ALPL: variants seen among roughly 807,000 people sequenced by gnomAD.
ALPL encodes the protein alkaline phosphatase, biomineralization associated.
In ALPL, 42 loss-of-function variants were observed where a neutral mutation model predicts 51.3. That is an observed-to-expected ratio of 0.82 (90% confidence interval 0.64 to 1.06). The LOEUF (loss-of-function observed/expected upper bound fraction) is 1.06, where lower values mean the gene tolerates loss of function less well. ALPL is among the 50% of genes least tolerant of loss of function. ALPL has a pLI of 0.00. For missense variants in ALPL, 589 were observed against 709.4 expected (o/e 0.83, Z 1.93); for synonymous variants, 279 against 296.4 (o/e 0.94, Z 0.60).
At chr1:21,533,935 A>AAGAAGAAG (rs748396808) in intron 1 of ALPL, among the ~76,000 whole-genome samples, 76 of 100,482 alleles carry the variant, frequency 7.6e-4, no homozygotes, top group African/African-American at 2.3e-3. Flanking sequence ...AAAAAAAAAA[A>AAGAAGAAG]AAGAAGAAGA....
chr1:21,547,155 T>A (rs2148121880), intron 1 of ALPL, among the ~76,000 whole-genome samples: 1 of 151,922 alleles, frequency 6.6e-6, no homozygotes, highest in East Asian at 1.9e-4. Context: ...TGTTTGGGAG[T>A]GAGGAATGAA....
chr1:21,534,468 G>A (rs979621527), intron 1 of ALPL, among the ~76,000 whole-genome samples: 5 of 152,164 alleles, frequency 3.3e-5, no homozygotes. Context: ...GAGGATTCTG[G>A]GAGGACACGG....
intron 4 of ALPL, 142 bp downstream of exon 4, chr1:21,561,354 G>C: frequency 1.4e-6 from 1 of 732,676 alleles, no homozygotes; most frequent in Admixed American, 2.0e-5. Flanking sequence ...AGCAGCCACT[G>C]CCCTGACTTC....
At chr1:21,567,997 T>A (rs1233488478) in intron 6 of ALPL, 107 bp from the exon 7 acceptor site, 1 of 1,503,766 alleles carries the variant, frequency 6.6e-7, no homozygotes, top group Non-Finnish European at 9.2e-7. Flanking sequence ...TGGGAAAGTG[T>A]CCACACCATC....
In ALPL at chr1:21,577,660, C is replaced by T. The variant is rs778673244; in HGVS notation, c.*12C>T. The T allele has an allele frequency of 7.0e-5, 111 of 1,593,880 alleles. 1 individual carries two copies. Among genetic ancestry groups the T allele is most frequent in the Non-Finnish European group, 9.3e-5 (109 of 1,177,532 alleles). On this transcript the variant is annotated 3_prime_UTR_variant, in exon 12 of 12. Transcript: ENST00000374840. The stretch of plus-strand genomic sequence containing the variant: ...GCGTCCTGTTCTGAGGGCCCAGGGC[C>T]CGGGCACCCACAAGCCCGTGACAGA...
chr1:21,557,670 A>AGCAGTCC (rs1156808720), intron 2 of ALPL, among the ~76,000 whole-genome samples: 3 of 152,218 alleles, frequency 2.0e-5, no homozygotes, highest in Non-Finnish European at 4.4e-5. Context: ...CCTGGCCTCA[A>AGCAGTCC]GCAGTCCTCC....
At position 21,517,814 on chromosome 1, in the gene ALPL, C is replaced by T. The variant is rs541540879; in HGVS notation, c.-105+8297C>T. On this transcript the variant is annotated intron_variant, in intron 1 of 11. Transcript: ENST00000374840. ...TGGCGAATAGCCAGCATGTCTCCTTCCTCTCTCCTGCCCTGCACCCACATC... is the reference window on the plus strand; with the variant it reads ...TGGCGAATAGCCAGCATGTCTCCTTTCTCTCTCCTGCCCTGCACCCACATC... 4.3e-4 allele frequency among the ~76,000 whole-genome samples: 66 copies of T among 152,260 alleles called. No individual in the cohort carries two copies. The South Asian group carries it at 0.013, about 30-fold the overall frequency.
chr1:21,577,785 T>C lies in ALPL; in HGVS notation c.*137T>C, dbSNP rs1173428114. ...AGAAAGGGGACCCAAGAAACCAAAG[T>C]CTGCCGCCCACCTCGCTCCCCTCTG... On this transcript the variant is annotated 3_prime_UTR_variant, in exon 12 of 12. Coordinates refer to ENST00000374840, the MANE Select transcript of ALPL (RefSeq NM_000478.6). 2.2e-5 allele frequency: 26 copies of C among 1,178,056 alleles called. No homozygotes were observed. The highest frequency in any genetic ancestry group is 2.9e-4 in the Middle Eastern group (1 of 3,502). 73.0% of individuals were successfully genotyped at this position (1,178,056 alleles called of 1,614,324 possible).
chr1:21,566,932 G>C (rs1484401886), intron 6 of ALPL, among the ~76,000 whole-genome samples: 2 of 152,174 alleles, frequency 1.3e-5, no homozygotes, highest in Non-Finnish European at 2.9e-5. Context: ...TGGGCTCACA[G>C]AGTTTAGGTG....
At chr1:21,556,392 G>A (rs1356200849) in intron 2 of ALPL, among the ~76,000 whole-genome samples, 2 of 152,190 alleles carry the variant, frequency 1.3e-5, no homozygotes, top group African/African-American at 4.8e-5. Context: ...TGTAATCCCA[G>A]TGCGTTGGGA....
intron 7 of ALPL, among the ~76,000 whole-genome samples, chr1:21,569,341 C>A (rs187026629): frequency 3.9e-5 from 6 of 152,154 alleles, no homozygotes; most frequent in Non-Finnish European, 8.8e-5. Context: ...GGGGAGAGAG[C>A]GTCTACACCA....
intron 1 of ALPL, among the ~76,000 whole-genome samples, chr1:21,545,304 T>TG (rs879282798): frequency 0.023 from 3,427 of 152,126 alleles, 59 homozygotes; most frequent in African/African-American, 0.049. Flanking sequence ...TTTTTGTTTT[T>TG]TTTTAAGACA....
intron 1 of ALPL, among the ~76,000 whole-genome samples, chr1:21,535,765 C>G (rs189849749): frequency 5.9e-5 from 9 of 152,114 alleles, no homozygotes; most frequent in Admixed American, 3.3e-4. Context: ...CTGAGTGGAA[C>G]AAACTCTCAA....
At chr1:21,536,650 G>T (rs938117963) in intron 1 of ALPL, among the ~76,000 whole-genome samples, 1 of 152,102 alleles carries the variant, frequency 6.6e-6, no homozygotes, top group African/African-American at 2.4e-5. Flanking sequence ...AGCAGACAGA[G>T]TCTTCCAGCT....
At chr1:21,563,381 T>C in intron 5 of ALPL, 97 bp downstream of exon 5, 1 of 1,411,670 alleles carries the variant, frequency 7.1e-7, no homozygotes, top group Non-Finnish European at 9.5e-7. Context: ...AGAAAAGGCT[T>C]CTCTGTGGGG....
chr1:21,573,429 T>A (rs1644677568), intron 8 of ALPL, among the ~76,000 whole-genome samples: 1 of 131,104 alleles, frequency 7.6e-6, no homozygotes. Flanking sequence ...AGAGTGAGAC[T>A]CTGTCTCAAA....
chr1:21,574,209 C>G, intron 9 of ALPL: 4 of 985,460 alleles, frequency 4.1e-6, no homozygotes, highest in Non-Finnish European at 4.8e-6. Flanking sequence ...GCCTTGCAGA[C>G]AGACCTGAAT....
intron 1 of ALPL, among the ~76,000 whole-genome samples, chr1:21,523,891 A>G (rs541203557): frequency 1.9e-4 from 29 of 151,764 alleles, no homozygotes; most frequent in Non-Finnish European, 3.7e-4. Context: ...TCTGGTCCAG[A>G]GATCCAGGCC....
At chr1:21,519,752 G>A (rs866810464) in intron 1 of ALPL, among the ~76,000 whole-genome samples, 2 of 152,206 alleles carry the variant, frequency 1.3e-5, no homozygotes, top group Non-Finnish European at 2.9e-5. Flanking sequence ...AGCAGAGATC[G>A]TGCCACTGCA....
Sources: gnomAD v4.1 joint callset for allele counts (sites outside exome capture counted in the v4.1 genomes callset) on GRCh38, gnomAD v4.1.1 for gene constraint, MANE v1.5 for transcripts, NCBI Gene and HGNC (gene_info 2026-07-23, HGNC 2026-07-21) for gene names.